The following CDH12 variants were observed in gnomAD, a reference collection of about 807,000 sequenced individuals.
The protein encoded by CDH12 is cadherin 12, also known as cadherin-12.
In CDH12, 41 loss-of-function variants were observed where a neutral mutation model predicts 74.1. That is an observed-to-expected ratio of 0.55 (90% CI 0.43 to 0.72). The LOEUF (loss-of-function observed/expected upper bound fraction) is 0.72, where lower values mean the gene tolerates loss of function less well. Ranked by LOEUF, CDH12 falls within the 30% of genes least tolerant of loss-of-function variation. The pLI is 0.00. For synonymous variants in CDH12, 399 were observed against 355.0 expected (o/e 1.12, Z -1.39); for missense variants, 945 against 977.2 (o/e 0.97, Z 0.44).
At chr5:22,671,461 T>A (rs1209049495) in intron 1 of CDH12, among the ~76,000 whole-genome samples, 1 of 152,158 alleles carries the variant, frequency 6.6e-6, no homozygotes, top group Non-Finnish European at 1.5e-5. Flanking sequence ...AGGGTATTCT[T>A]TCTTGTGGGG....
intron 1 of CDH12, among the ~76,000 whole-genome samples, chr5:22,733,300 T>G (rs1580938479): frequency 1.3e-5 from 2 of 151,946 alleles, no homozygotes; most frequent in East Asian, 3.9e-4. Flanking sequence ...GGTATGACTT[T>G]CTTAATATTT....
intron 2 of CDH12, among the ~76,000 whole-genome samples, chr5:22,456,948 GT>G (rs975900880): frequency 8.6e-5 from 13 of 150,686 alleles, no homozygotes; most frequent in South Asian, 4.2e-4. Context: ...ATTATTCATG[GT>G]TTTTTTTTTA....
intron 6 of CDH12, among the ~76,000 whole-genome samples, chr5:21,966,705 T>C (rs1158500779): frequency 6.6e-6 from 1 of 152,088 alleles, no homozygotes; most frequent in Non-Finnish European, 1.5e-5. Context: ...GAGTAATTAA[T>C]TATTTGGCCT....
intron 5 of CDH12, among the ~76,000 whole-genome samples, chr5:22,050,525 A>G (rs1740286452): frequency 6.6e-6 from 1 of 152,138 alleles, no homozygotes; most frequent in African/African-American, 2.4e-5. Flanking sequence ...TTCTAATAGG[A>G]ATATCTGGTT....
At chr5:22,483,198 T>A (rs1200042950) in intron 2 of CDH12, among the ~76,000 whole-genome samples, 1 of 152,124 alleles carries the variant, frequency 6.6e-6, no homozygotes, top group East Asian at 1.9e-4. Context: ...ATGTCAAAAT[T>A]TTTGCCATGT....
chr5:21,807,872 C>T (rs1747521405), intron 9 of CDH12, among the ~76,000 whole-genome samples: 1 of 151,908 alleles, frequency 6.6e-6, no homozygotes, highest in African/African-American at 2.4e-5. Flanking sequence ...AATTAGGGTC[C>T]CTAATCACTT....
At chr5:22,705,612 A>AGTATTTTT (rs1742967168) in intron 1 of CDH12, among the ~76,000 whole-genome samples, 1 of 152,116 alleles carries the variant, frequency 6.6e-6, no homozygotes, top group East Asian at 1.9e-4. Flanking sequence ...ACAATATTAT[A>AGTATTTTT]GTATTTTTGG....
chr5:22,075,938 T>G (rs961385614), intron 5 of CDH12, among the ~76,000 whole-genome samples: 1 of 152,146 alleles, frequency 6.6e-6, no homozygotes, highest in Non-Finnish European at 1.5e-5. Flanking sequence ...ATAAATATAT[T>G]TATATGTTTA....
rs10472475 is a variant in CDH12, at chr5:21,987,433, T to A, written c.232-12048A>T. Among the ~76,000 whole-genome samples, 1,124 of 152,312 alleles carry A rather than the reference T, an allele frequency of 7.4e-3. 10 individuals are homozygous for A. Among genetic ancestry groups the A allele is most frequent in the African/African-American group, 0.025 (1,057 of 41,584 alleles). ...GTTCCACAGTCTCTATTGTTAGCTG[T>A]ATGTCTCAGAAACAGCTTCTTTCTC... On this transcript the variant is annotated intron_variant, in intron 5 of 14. Transcript: ENST00000382254.
chr5:21,945,424 A>G (rs1243603376), intron 6 of CDH12, among the ~76,000 whole-genome samples: 1 of 119,130 alleles, frequency 8.4e-6, no homozygotes, highest in Non-Finnish European at 1.7e-5. Context: ...AGACTGTTTC[A>G]GACAAAAAAA....
chr5:22,584,453 ATAATT>A (rs1205219753), intron 1 of CDH12, among the ~76,000 whole-genome samples: 1 of 152,170 alleles, frequency 6.6e-6, no homozygotes, highest in African/African-American at 2.4e-5. Context: ...TAGTGAAACT[ATAATT>A]TATTCATTTT....
chr5:22,171,302 G>A (rs552322245), intron 4 of CDH12, among the ~76,000 whole-genome samples: 8 of 151,724 alleles, frequency 5.3e-5, no homozygotes, highest in Non-Finnish European at 7.4e-5. Context: ...GATAATGTTC[G>A]TTAAGTGCTC....
chr5:22,583,053 T>C (rs1740184968), intron 1 of CDH12, among the ~76,000 whole-genome samples: 1 of 151,816 alleles, frequency 6.6e-6, no homozygotes, highest in Non-Finnish European at 1.5e-5. Context: ...TACGCAGAAA[T>C]AGTAACAAAT....
intron 6 of CDH12, among the ~76,000 whole-genome samples, chr5:21,938,894 A>G (rs185380517): frequency 1.3e-4 from 19 of 150,958 alleles, no homozygotes; most frequent in African/African-American, 4.1e-4. Context: ...CAACAACCCA[A>G]TTGAAAATGC....
chr5:22,164,227 A>G (rs1748533701), intron 4 of CDH12, among the ~76,000 whole-genome samples: 1 of 152,172 alleles, frequency 6.6e-6, no homozygotes, highest in African/African-American at 2.4e-5. Context: ...CTTGGCCTCA[A>G]GATTCCAAGG....
chr5:21,888,143 C>T (rs549237456), intron 6 of CDH12, among the ~76,000 whole-genome samples: 2 of 152,084 alleles, frequency 1.3e-5, no homozygotes. Context: ...TATGGTGCAA[C>T]CGGAGGTTAA....
Position 21,950,412 on chromosome 5 carries a change from GAC to G in CDH12, c.526+24677_526+24678del, listed in dbSNP as rs1160744640. On this transcript the variant is annotated intron_variant, in intron 6 of 14. Transcript: ENST00000382254. ...GTAACCCATTGGAAAGCAAGAAAAAGACACAGAGGAATAAGAAACAGAAACAA... is the reference window on the plus strand; with the variant it reads ...GTAACCCATTGGAAAGCAAGAAAAAGACAGAGGAATAAGAAACAGAAACAA... Among the ~76,000 whole-genome samples the G allele has an allele frequency of 1.1e-4, 16 of 151,990 alleles. No homozygotes were observed. The East Asian group carries it at 3.1e-3, about 29-fold the overall frequency.
At chr5:22,840,730 T>C (rs1278792341) in intron 1 of CDH12, among the ~76,000 whole-genome samples, 1 of 151,858 alleles carries the variant, frequency 6.6e-6, no homozygotes, top group African/African-American at 2.4e-5. Context: ...TATAAGAAAA[T>C]AAAAACGTAG....
chr5:22,041,855 A>G (rs1262669042), intron 5 of CDH12, among the ~76,000 whole-genome samples: 2 of 152,158 alleles, frequency 1.3e-5, no homozygotes, highest in Non-Finnish European at 2.9e-5. Context: ...CAGAATACAG[A>G]TTCTTCTCCC....
Sources: allele counts gnomAD v4.1 joint callset (sites outside exome capture counted in the v4.1 genomes callset), GRCh38; gene constraint gnomAD v4.1.1; transcripts MANE v1.5; gene names NCBI Gene and HGNC (gene_info 2026-07-23, HGNC 2026-07-21).